The following PADI4 variants were observed in gnomAD, a reference collection of about 807,000 sequenced individuals.
The protein encoded by PADI4 is protein-arginine deiminase type-4.
Under a neutral mutation model 75.0 loss-of-function variants are expected in PADI4, and 62 were observed. The observed-to-expected ratio is 0.83, with a 90% CI of 0.67 to 1.02. The LOEUF is 1.02. PADI4 is among the 50% of genes least tolerant of loss of function. PADI4 has a pLI of 0.00. For synonymous variants in PADI4, 361 were observed against 348.1 expected (o/e 1.04, Z -0.41); for missense variants, 845 against 850.5 (o/e 0.99, Z 0.08).
In PADI4 at chr1:17,359,387, G is replaced by A. The variant is rs764898482; in HGVS notation, c.1737G>A (p.Ala579=). Residue 579 remains alanine (A), a synonymous_variant, in exon 15 of 16, where the codon GCG becomes GCA. Coordinates refer to ENST00000375448, the MANE Select transcript of PADI4 (RefSeq NM_012387.3). ...QLFKLKEFSK[A]EAFFPNMVNM... is the part of the protein sequence containing the mutation. The stretch of plus-strand genomic sequence containing the variant: ...TCAAGCTCAAAGAGTTCTCTAAGGC[G>A]GAAGCTTTTTTCCCCAACATGGTGA... 2.3e-5 allele frequency: 37 copies of A among 1,613,956 alleles called. No homozygotes were observed. In the East Asian group the frequency reaches 4.2e-4, roughly 18 times the overall value.
chr1:17,309,156 A>G (rs1264119523), intron 1 of PADI4, among the ~76,000 whole-genome samples: 3 of 94,000 alleles, frequency 3.2e-5, no homozygotes, highest in African/African-American at 1.0e-4. Context: ...AAAAAAAAAA[A>G]AAACAATTTT....
intron 6 of PADI4, among the ~76,000 whole-genome samples, 193 bp downstream of exon 6, chr1:17,340,006 G>A (rs1220147508): frequency 3.3e-5 from 5 of 151,300 alleles, no homozygotes; most frequent in Admixed American, 1.3e-4. Context: ...AAAATGACTC[G>A]TTATTGCTCC....
At position 17,339,694 on chromosome 1, in the gene PADI4, A is replaced by G. The variant is rs894583432; in HGVS notation, c.533A>G (p.Gln178Arg). 1.1e-5 allele frequency: 18 copies of G among 1,613,960 alleles called. No individual in the cohort carries two copies. The highest frequency in any genetic ancestry group is 1.5e-5 in the Non-Finnish European group (18 of 1,179,912). The change falls in exon 6 of 16, where the codon CAG becomes CGG. Residue 178 changes from glutamine to arginine, a missense_variant. Coordinates refer to ENST00000375448, the MANE Select transcript of PADI4 (RefSeq NM_012387.3). ...DDEVLDSEDL[Q>R]DMSLMTLSTK... ...AATGCCCTTCTCATCCCAGACCTGCAGGACATGTCGCTGATGACCCTGAGC... is the reference window on the plus strand; with the variant it reads ...AATGCCCTTCTCATCCCAGACCTGCGGGACATGTCGCTGATGACCCTGAGC...
At chr1:17,334,562 CAA>C (rs1197386166) in intron 3 of PADI4, 1 of 455,596 alleles carries the variant, frequency 2.2e-6, no homozygotes, top group South Asian at 1.6e-5. Context: ...CTCAGGCTCC[CAA>C]AGTGCTCGGA....
At position 17,359,534 on chromosome 1, in the gene PADI4, C is replaced by G. The variant is rs573286908; in HGVS notation, c.1758+126C>G. 4 of 1,317,614 alleles carry G rather than the reference C, an allele frequency of 3.0e-6. No homozygotes were observed. The South Asian group carries it at 5.4e-5, about 18-fold the overall frequency. 81.6% of individuals were successfully genotyped at this position (1,317,614 alleles called of 1,614,324 possible). On this transcript the variant is annotated intron_variant, in intron 15 of 15. Coordinates refer to ENST00000375448, the MANE Select transcript of PADI4 (RefSeq NM_012387.3). Reference sequence around the variant, plus strand: ...TCTCTGTAACCGTTTGTAGCTTTGTCCTGAGTGGTACAAGGTCAGACGTGA... The same window carrying G: ...TCTCTGTAACCGTTTGTAGCTTTGTGCTGAGTGGTACAAGGTCAGACGTGA...
At chr1:17,311,727 G>A (rs56024211) in intron 1 of PADI4, among the ~76,000 whole-genome samples, 5 of 151,992 alleles carry the variant, frequency 3.3e-5, no homozygotes, top group Non-Finnish European at 7.4e-5. Flanking sequence ...GTGTTTCACC[G>A]TGTTAGCCAG....
At chr1:17,359,754 A>C (rs2074823103) in intron 15 of PADI4, among the ~76,000 whole-genome samples, 1 of 152,222 alleles carries the variant, frequency 6.6e-6, no homozygotes, top group Non-Finnish European at 1.5e-5. Flanking sequence ...CTTAATCAAC[A>C]CAGAAATGTT....
chr1:17,346,226 T>A lies in PADI4; in HGVS notation c.1047+87T>A. On this transcript the variant is annotated intron_variant, in intron 9 of 15. Coordinates refer to ENST00000375448, the MANE Select transcript of PADI4 (RefSeq NM_012387.3). This position sits in a 1 kb window ranked among gnomAD's most constrained non-coding sequence, Gnocchi z 4.3. ...CCCGGGCTCCTGGGGTTCAGCCTGG[T>A]GCCTCACCGGCCACTCTTCCTTAGA... 1 of 771,736 alleles carries A rather than the reference T, an allele frequency of 1.3e-6. No individual in the cohort carries two copies. The highest frequency in any genetic ancestry group is 2.2e-6 in the Non-Finnish European group (1 of 451,424). The allele number at this position is 771,736 out of a possible 1,614,324, so 47.8% of individuals were successfully genotyped here.
chr1:17,331,070 C>T lies in PADI4; in HGVS notation c.194C>T (p.Ser65Phe). 1 of 1,611,512 alleles carries T rather than the reference C, an allele frequency of 6.2e-7. No individual in the cohort carries two copies. The highest frequency in any genetic ancestry group is 8.5e-7 in the Non-Finnish European group (1 of 1,178,858). The part of the protein sequence containing the change: ...GPPAKKKSTG[S>F]STWPLDPGVE... ...CCAGCCAAGAAGAAATCCACAGGTTCCTCCACATGGCCCCTGGACCCTGGG... is the reference window on the plus strand; with the variant it reads ...CCAGCCAAGAAGAAATCCACAGGTTTCTCCACATGGCCCCTGGACCCTGGG... Residue 65 changes from serine (S) to phenylalanine (F), a missense_variant, in exon 2 of 16, where the codon TCC (serine) becomes TTC (phenylalanine). Ser to Phe is a radical substitution (Grantham distance 155). Transcript: ENST00000375448.
rs2074315454 is a variant in PADI4, at chr1:17,336,581, T to C, written c.408+355T>C. 2.0e-5 allele frequency among the ~76,000 whole-genome samples: 3 copies of C among 151,916 alleles called. No individual in the cohort carries two copies. In the South Asian group the frequency reaches 6.2e-4, roughly 32 times the overall value. On this transcript the variant is annotated intron_variant, in intron 4 of 15. Transcript: ENST00000375448. Reference sequence around the variant, plus strand: ...TATGGGAGAGATTTCTGCAGAGCTGTCTACATGGGGGAATAACAGAGAAAG... The same window carrying C: ...TATGGGAGAGATTTCTGCAGAGCTGCCTACATGGGGGAATAACAGAGAAAG...
intron 2 of PADI4, among the ~76,000 whole-genome samples, chr1:17,331,394 G>A (rs2074209699): frequency 6.6e-6 from 1 of 152,192 alleles, no homozygotes; most frequent in South Asian, 2.1e-4. Flanking sequence ...CCTAACACAT[G>A]CCAGACACTG....
In PADI4 at chr1:17,346,228, C is replaced by A; in HGVS notation, c.1047+89C>A. ...CGGGCTCCTGGGGTTCAGCCTGGTGCCTCACCGGCCACTCTTCCTTAGATG... is the reference window on the plus strand; with the variant it reads ...CGGGCTCCTGGGGTTCAGCCTGGTGACTCACCGGCCACTCTTCCTTAGATG... On this transcript the variant is annotated intron_variant, in intron 9 of 15. Transcript: ENST00000375448. The surrounding 1 kb of genome is among the most constrained non-coding windows in gnomAD (Gnocchi z 4.3). 2.7e-6 allele frequency: 2 copies of A among 748,072 alleles called. No individual in the cohort carries two copies. Among genetic ancestry groups the A allele is most frequent in the Non-Finnish European group, 4.6e-6 (2 of 432,626 alleles). 46.3% of individuals were successfully genotyped at this position (748,072 alleles called of 1,614,324 possible).
intron 3 of PADI4, 173 bp downstream of exon 3, chr1:17,334,182 G>C: frequency 1.7e-6 from 1 of 603,640 alleles, no homozygotes; most frequent in Middle Eastern, 3.3e-4. Flanking sequence ...TCCATCCTTA[G>C]TCAGTGAACC....
intron 5 of PADI4, among the ~76,000 whole-genome samples, chr1:17,339,007 G>T (rs2074367056): frequency 6.6e-6 from 1 of 152,108 alleles, no homozygotes; most frequent in Non-Finnish European, 1.5e-5. Context: ...GCCAAGAGCT[G>T]GTATAAGCAC....
In PADI4 at chr1:17,318,093, A is replaced by G. The variant is rs527543491; in HGVS notation, c.92+9779A>G. On this transcript the variant is annotated intron_variant, in intron 1 of 15. Transcript: ENST00000375448. Reference sequence around the variant, plus strand: ...ACTCAGTAAGTCTGAGTGGAGCCCCAGAATCTGCATTTTTAACAAATTCCC... The same window carrying G: ...ACTCAGTAAGTCTGAGTGGAGCCCCGGAATCTGCATTTTTAACAAATTCCC... 2.0e-5 allele frequency among the ~76,000 whole-genome samples: 3 copies of G among 152,240 alleles called. No individual in the cohort carries two copies. The South Asian group carries it at 6.2e-4, about 31-fold the overall frequency.
At chr1:17,350,435 G>A (rs1164212253) in intron 10 of PADI4, among the ~76,000 whole-genome samples, 1 of 131,126 alleles carries the variant, frequency 7.6e-6, no homozygotes, top group African/African-American at 2.5e-5. Flanking sequence ...TGAGGGATTA[G>A]CAGGTGTCAA....
Position 17,363,325 on chromosome 1 carries a change from G to A in PADI4, c.1759-197G>A, listed in dbSNP as rs537524972. The stretch of plus-strand genomic sequence containing the variant: ...TTTTTTAGAGATGGGGTCTCACCAT[G>A]TTGCCCAGGCTGGTCTCAAACTCTT... On this transcript the variant is annotated intron_variant, in intron 15 of 15. Coordinates refer to ENST00000375448, the MANE Select transcript of PADI4 (RefSeq NM_012387.3). 6.1e-3 allele frequency among the ~76,000 whole-genome samples: 928 copies of A among 151,770 alleles called. 13 individuals are homozygous for A. Among genetic ancestry groups the A allele is most frequent in the African/African-American group, 0.022 (898 of 41,372 alleles).
Position 17,327,116 on chromosome 1 carries a change from T to C in PADI4, c.93-3853T>C, listed in dbSNP as rs1175962529. Among the ~76,000 whole-genome samples the C allele has an allele frequency of 2.0e-5, 3 of 152,246 alleles. No individual in the cohort carries two copies. The East Asian group carries it at 5.8e-4, about 29-fold the overall frequency. On this transcript the variant is annotated intron_variant, in intron 1 of 15. Coordinates refer to ENST00000375448, the MANE Select transcript of PADI4 (RefSeq NM_012387.3). ...TTTGTAGAGATGGGGTTTTACCATA[T>C]TGCTCAGGCTGGTCTTAAACTCCTG... is the stretch of plus-strand genomic sequence containing the variant.
rs1403854634 is a variant in PADI4 at position 17,363,628 on chromosome 1, C to T, written c.1865C>T (p.Pro622Leu). The change falls in exon 16 of 16, where the codon CCA (proline) becomes CTA (leucine). Residue 622 changes from proline (P) to leucine (L), a missense_variant. By Grantham distance (98) the Pro-to-Leu change is moderately conservative. Transcript: ENST00000375448. ...GAGAAGGTGTGTTCCCTGCTGGAGC[C>T]ACTGGGCCTCCAGTGCACCTTCATC... ...LEEKVCSLLE[P>L]LGLQCTFIND... The T allele has an allele frequency of 6.2e-7, 1 of 1,614,144 alleles. No homozygotes were observed. Among genetic ancestry groups the T allele is most frequent in the Admixed American group, 1.7e-5 (1 of 60,034 alleles).
Sources: allele counts gnomAD v4.1 joint callset (sites outside exome capture counted in the v4.1 genomes callset), GRCh38; gene constraint gnomAD v4.1.1; non-coding constraint Gnocchi (gnomAD v3.1); transcripts MANE v1.5; gene names NCBI Gene and HGNC (gene_info 2026-07-23, HGNC 2026-07-21).